The following FAM120B variants were observed in gnomAD, a reference collection of about 807,000 sequenced individuals.
The protein encoded by FAM120B is constitutive coactivator of peroxisome proliferator-activated receptor gamma.
Under a neutral mutation model 96.3 loss-of-function variants are expected in FAM120B, and 83 were observed. The ratio of observed to expected loss-of-function variants is 0.86; its 90% CI spans 0.72 to 1.03. The LOEUF (loss-of-function observed/expected upper bound fraction) is 1.03, where lower values mean the gene tolerates loss of function less well. Among genes scored for constraint, FAM120B ranks in the 50% least tolerant of loss-of-function variants. The probability of loss-of-function intolerance (pLI) is 0.00; values close to 1 mark genes in which losing one functional copy is unlikely to be tolerated. For synonymous variants in FAM120B, 407 were observed against 402.7 expected, an observed-to-expected ratio of 1.01 and a Z score of -0.13; for missense variants, 1,027 against 1,121.2, an observed-to-expected ratio of 0.92 and a Z score of 1.20.
intron 8 of FAM120B, among the ~76,000 whole-genome samples, chr6:170,394,309 G>A (rs1048534784): frequency 2.6e-5 from 4 of 152,222 alleles, no homozygotes; most frequent in African/African-American, 7.2e-5. Context: ...CCTCATACTG[G>A]GGAGGTTTTG....
At chr6:170,397,177 C>T (rs542619962) in intron 9 of FAM120B, among the ~76,000 whole-genome samples, 1 of 152,330 alleles carries the variant, frequency 6.6e-6, no homozygotes, top group East Asian at 1.9e-4. Context: ...AGGGTCTGGG[C>T]TTCTGAGTCT....
chr6:170,381,565 A>AG (rs60989637), intron 6 of FAM120B, among the ~76,000 whole-genome samples: 1 of 152,158 alleles, frequency 6.6e-6, no homozygotes, highest in African/African-American at 2.4e-5. Context: ...CAAAAAAAAA[A>AG]TAGTGCAAAA....
At chr6:170,312,528 T>G (rs1583180105) in intron 1 of FAM120B, among the ~76,000 whole-genome samples, 2 of 152,222 alleles carry the variant, frequency 1.3e-5, no homozygotes, top group African/African-American at 2.4e-5. Flanking sequence ...CATTTTATTC[T>G]GGAACTTTTC....
rs112259650 is a variant in FAM120B, at chr6:170,338,778, C to T, written c.2017+8228C>T. Among the ~76,000 whole-genome samples, 1,307 of 151,074 alleles carry T rather than the reference C, an allele frequency of 8.7e-3. 14 individuals are homozygous for T. Among genetic ancestry groups the T allele is most frequent in the African/African-American group, 0.028 (1,158 of 41,100 alleles). On this transcript the variant is annotated intron_variant, in intron 4 of 10. Coordinates refer to ENST00000476287, the MANE Select transcript of FAM120B (RefSeq NM_032448.3). ...TGATCCCTTTACCATTATGTAATAC[C>T]GCTTTGTCTTTTTTGATCTTTGTTG...
At chr6:170,360,065 C>G (rs73249895) in intron 6 of FAM120B, among the ~76,000 whole-genome samples, 2,370 of 152,194 alleles carry the variant, frequency 0.016, 56 homozygotes, top group African/African-American at 0.054. Context: ...TCCCCTCTTC[C>G]CTGTCAGAAG....
chr6:170,342,414 C>A (rs1051924832), intron 4 of FAM120B, among the ~76,000 whole-genome samples: 5 of 152,172 alleles, frequency 3.3e-5, no homozygotes, highest in African/African-American at 1.2e-4. Flanking sequence ...TAAAATAACT[C>A]AAAAACCTAC....
chr6:170,359,139 G>A (rs1788162602), intron 6 of FAM120B, among the ~76,000 whole-genome samples: 2 of 152,100 alleles, frequency 1.3e-5, no homozygotes, highest in Admixed American at 6.6e-5. Context: ...AGTGGCTCAC[G>A]CCTGTCATCC....
chr6:170,343,174 A>G (rs1022639923), intron 4 of FAM120B, among the ~76,000 whole-genome samples: 21 of 152,352 alleles, frequency 1.4e-4, no homozygotes, highest in Admixed American at 1.2e-3. Flanking sequence ...CCTGGATAAG[A>G]TGATTCCTGG....
chr6:170,388,932 A>G (rs1206356482), intron 7 of FAM120B, among the ~76,000 whole-genome samples: 1 of 152,236 alleles, frequency 6.6e-6, no homozygotes, highest in Non-Finnish European at 1.5e-5. Context: ...TATATGTATT[A>G]TATACTGTAT....
chr6:170,389,627 C>A (rs973564375), intron 7 of FAM120B, among the ~76,000 whole-genome samples: 2 of 152,016 alleles, frequency 1.3e-5, no homozygotes, highest in East Asian at 3.9e-4. Flanking sequence ...GGTGCAATCT[C>A]CACTAACTGC....
At chr6:170,401,029 G>T (rs1226793988) in intron 9 of FAM120B, among the ~76,000 whole-genome samples, 1 of 152,222 alleles carries the variant, frequency 6.6e-6, no homozygotes, top group Non-Finnish European at 1.5e-5. Context: ...TTCCGATTCT[G>T]TTAGCAGAGA....
intron 4 of FAM120B, among the ~76,000 whole-genome samples, chr6:170,335,045 TG>T (rs201045008): frequency 1.3e-5 from 2 of 151,496 alleles, no homozygotes; most frequent in East Asian, 3.9e-4. Context: ...GTTTTTTTTT[TG>T]TTTTTTTTTT....
intron 6 of FAM120B, among the ~76,000 whole-genome samples, chr6:170,384,364 G>T (rs1428613274): frequency 6.6e-6 from 1 of 152,116 alleles, no homozygotes; most frequent in African/African-American, 2.4e-5. Context: ...TGAATCTATA[G>T]TCGTTTCAAA....
chr6:170,324,394 A>G (rs1026868015), intron 3 of FAM120B, among the ~76,000 whole-genome samples: 4 of 151,730 alleles, frequency 2.6e-5, no homozygotes, highest in Non-Finnish European at 4.4e-5. Context: ...AAACAGAAAT[A>G]AAGAACCTGT....
chr6:170,348,083 C>A (rs999410650), intron 4 of FAM120B, 68 bp from the exon 5 acceptor site: 1 of 1,269,370 alleles, frequency 7.9e-7, no homozygotes, highest in East Asian at 2.4e-5. Context: ...TACTGTATTT[C>A]TACAAGGAGC....
intron 9 of FAM120B, among the ~76,000 whole-genome samples, chr6:170,396,215 T>TTAGA (rs1181700517): frequency 6.6e-6 from 1 of 152,212 alleles, no homozygotes; most frequent in African/African-American, 2.4e-5. Flanking sequence ...TCTGTGACTT[T>TTAGA]CACAACGTCT....
chr6:170,307,404 G>T (rs1784358881), intron 1 of FAM120B, among the ~76,000 whole-genome samples: 1 of 152,200 alleles, frequency 6.6e-6, no homozygotes, highest in Non-Finnish European at 1.5e-5. Context: ...GGATAACACT[G>T]AGCGTCAAGC....
intron 1 of FAM120B, among the ~76,000 whole-genome samples, chr6:170,296,337 A>G (rs910703521): frequency 6.6e-6 from 1 of 151,950 alleles, no homozygotes; most frequent in African/African-American, 2.4e-5. Context: ...GGCTTCCTGG[A>G]GGTGGTGGCG....
intron 1 of FAM120B, among the ~76,000 whole-genome samples, chr6:170,313,306 C>T (rs1299679031): frequency 3.3e-5 from 5 of 152,124 alleles, no homozygotes; most frequent in South Asian, 2.1e-4. Flanking sequence ...ACTTTTTAGG[C>T]GGGGGAGGAG....
Sources: gnomAD v4.1 joint callset for allele counts (sites outside exome capture counted in the v4.1 genomes callset) on GRCh38, gnomAD v4.1.1 for gene constraint, MANE v1.5 for transcripts, NCBI Gene and HGNC (gene_info 2026-07-23, HGNC 2026-07-21) for gene names.